GSDMC: variants seen among roughly 807,000 people sequenced by gnomAD.
GSDMC encodes the protein gasdermin C, also known as gasdermin-C.
In GSDMC, 59 loss-of-function variants were observed where a neutral mutation model predicts 58.0. The observed-to-expected ratio is 1.02, with a 90% confidence interval of 0.82 to 1.26. The LOEUF (loss-of-function observed/expected upper bound fraction) is 1.26, where lower values mean the gene tolerates loss of function less well. GSDMC is among the 50% of genes most tolerant of loss of function. GSDMC has a pLI of 0.00. For missense variants in GSDMC, 659 were observed against 598.5 expected, an observed-to-expected ratio of 1.10 and a Z score of -1.06; for synonymous variants, 241 against 220.2, an observed-to-expected ratio of 1.09 and a Z score of -0.83.
At chr8:129,779,146 A>G (rs1046089886) in intron 1 of GSDMC, among the ~76,000 whole-genome samples, 4 of 152,244 alleles carry the variant, frequency 2.6e-5, no homozygotes, top group African/African-American at 9.6e-5. Flanking sequence ...TTTATAATAA[A>G]GACACATGCA....
At chr8:129,738,469 G>A in the GSDMC span, among the ~76,000 whole-genome samples, 1 of 152,192 alleles carries the variant, frequency 6.6e-6, no homozygotes, top group South Asian at 2.1e-4. Context: ...GGAATACTAT[G>A]CAGCCATAAA....
the GSDMC span, among the ~76,000 whole-genome samples, chr8:129,739,791 TGTTA>T: frequency 6.6e-6 from 1 of 152,206 alleles, no homozygotes; most frequent in African/African-American, 2.4e-5. Context: ...TACTATAGAT[TGTTA>T]TTTTAGAATG....
At chr8:129,767,065 C>T (rs577609753) in intron 3 of GSDMC, among the ~76,000 whole-genome samples, 3 of 152,286 alleles carry the variant, frequency 2.0e-5, no homozygotes, top group Non-Finnish European at 4.4e-5. Context: ...ACAAATTTGT[C>T]TGGCCAGGAA....
intron 1 of GSDMC, among the ~76,000 whole-genome samples, chr8:129,785,400 G>T (rs2034528529): frequency 6.6e-6 from 1 of 151,638 alleles, no homozygotes; most frequent in Non-Finnish European, 1.5e-5. Flanking sequence ...AAAGATATTA[G>T]GGGGTGGGAG....
intron 4 of GSDMC, among the ~76,000 whole-genome samples, chr8:129,763,807 T>A (rs2033759494): frequency 6.6e-6 from 1 of 152,150 alleles, no homozygotes; most frequent in Non-Finnish European, 1.5e-5. Flanking sequence ...GTTGAACTCC[T>A]GAGCTCAAGC....
the GSDMC span, among the ~76,000 whole-genome samples, chr8:129,724,264 C>T: frequency 2.6e-5 from 4 of 152,182 alleles, no homozygotes; most frequent in Admixed American, 2.6e-4. Flanking sequence ...ACATGTAAGA[C>T]CCTAAGCCAG....
intron 3 of GSDMC, among the ~76,000 whole-genome samples, chr8:129,772,806 A>G (rs994169413): frequency 6.6e-6 from 1 of 152,252 alleles, no homozygotes; most frequent in Non-Finnish European, 1.5e-5. Context: ...AGATAAGGAC[A>G]TTACAAGAAA....
the GSDMC span, among the ~76,000 whole-genome samples, chr8:129,741,771 A>G: frequency 1.3e-5 from 2 of 151,946 alleles, no homozygotes; most frequent in Admixed American, 1.3e-4. Flanking sequence ...TGATTCAACA[A>G]TCCCACTTCT....
chr8:129,719,840 G>A, the GSDMC span, among the ~76,000 whole-genome samples: 1 of 152,288 alleles, frequency 6.6e-6, no homozygotes, highest in African/African-American at 2.4e-5. Flanking sequence ...ATCTACTCAG[G>A]AGGCTGAGGC....
chr8:129,762,043 A>G (rs560833538), intron 5 of GSDMC, among the ~76,000 whole-genome samples: 128 of 152,340 alleles, frequency 8.4e-4, no homozygotes, highest in African/African-American at 3.0e-3. Context: ...CCCAGCACTC[A>G]CTGTCACACC....
intron 2 of GSDMC, among the ~76,000 whole-genome samples, chr8:129,777,079 A>C (rs909098758): frequency 1.3e-5 from 2 of 152,120 alleles, no homozygotes; most frequent in African/African-American, 4.8e-5. Flanking sequence ...CCCCAGGTAC[A>C]TAACTTTGAA....
chr8:129,785,088 G>C (rs1048414646), intron 1 of GSDMC, among the ~76,000 whole-genome samples: 1 of 152,116 alleles, frequency 6.6e-6, no homozygotes. Context: ...GCGCATGACT[G>C]TAATCCCAGC....
intron 4 of GSDMC, among the ~76,000 whole-genome samples, chr8:129,763,148 C>G (rs1193664008): frequency 1.3e-5 from 2 of 152,102 alleles, no homozygotes; most frequent in Non-Finnish European, 2.9e-5. Context: ...ATGTGATGTC[C>G]CTTTGCCTTG....
At chr8:129,763,471 C>T (rs1334839445) in intron 4 of GSDMC, among the ~76,000 whole-genome samples, 1 of 152,158 alleles carries the variant, frequency 6.6e-6, no homozygotes, top group Non-Finnish European at 1.5e-5. Context: ...CAGAACCTTC[C>T]TTGTATTTCC....
chr8:129,756,633 C>T (rs1394427044), intron 6 of GSDMC, among the ~76,000 whole-genome samples: 1 of 152,064 alleles, frequency 6.6e-6, no homozygotes, highest in East Asian at 1.9e-4. Flanking sequence ...GGATCATTCT[C>T]AATGATACAT....
chr8:129,745,335 C>G (rs775075994), downstream of GSDMC, among the ~76,000 whole-genome samples: 12 of 152,150 alleles, frequency 7.9e-5, no homozygotes, highest in Non-Finnish European at 1.3e-4. Context: ...TTGATGTTCT[C>G]TCCTCTTCAC....
At chr8:129,719,750 GC>G in the GSDMC span, among the ~76,000 whole-genome samples, 1 of 152,090 alleles carries the variant, frequency 6.6e-6, no homozygotes, top group Non-Finnish European at 1.5e-5. Context: ...TTTGAGACAA[GC>G]CTGGCCAACA....
chr8:129,734,960 G>A, the GSDMC span, among the ~76,000 whole-genome samples: 1 of 152,074 alleles, frequency 6.6e-6, no homozygotes, highest in South Asian at 2.1e-4. Flanking sequence ...GATGGAGGAA[G>A]ATCTACCAAG....
rs762673763 is a variant in GSDMC, at chr8:129,776,199, C to A, written c.307G>T (p.Val103Leu). ...ACAGAGGCCTCCCCTGACACACTCA[C>A]TTCTATACCAACATTCACACCCATG... ...ADMGVNVGIE[V>L]SVSGEASVDH... Residue 103 changes from valine (V) to leucine (L), a missense_variant, in exon 3 of 14, where the codon GTG becomes TTG. Physicochemically the swap from Val to Leu is conservative, Grantham distance 32. Coordinates refer to ENST00000276708, the MANE Select transcript of GSDMC (RefSeq NM_031415.3). 1 of 1,613,868 alleles carries A rather than the reference C, an allele frequency of 6.2e-7. No homozygotes were observed. The highest frequency in any genetic ancestry group is 1.1e-5 in the South Asian group (1 of 91,076).
Sources: gnomAD v4.1 joint callset for allele counts (sites outside exome capture counted in the v4.1 genomes callset) on GRCh38, gnomAD v4.1.1 for gene constraint, MANE v1.5 for transcripts, NCBI Gene and HGNC (gene_info 2026-07-23, HGNC 2026-07-21) for gene names.